The following MYCBP2 variants were observed in gnomAD, a reference collection of about 807,000 sequenced individuals.
MYCBP2 encodes MYC binding protein 2.
MYCBP2 carries 120 observed loss-of-function variants against 525.3 expected under a neutral mutation model. That is an observed-to-expected ratio of 0.23 (90% CI 0.20 to 0.27). MYCBP2 has a LOEUF of 0.27. Among genes scored for constraint, MYCBP2 ranks in the 10% least tolerant of loss-of-function variants. The pLI is 1.00. For synonymous variants in MYCBP2, 1,894 were observed against 1,955.8 expected (o/e 0.97, Z 0.83); for missense variants, 4,149 against 5,657.1 (o/e 0.73, Z 8.55).
At chr13:77,112,289 TTA>T (rs536986337) in intron 55 of MYCBP2, among the ~76,000 whole-genome samples, 1 of 146,816 alleles carries the variant, frequency 6.8e-6, no homozygotes, top group African/African-American at 2.5e-5. Flanking sequence ...CTTCTTTATA[TTA>T]TATATATATA....
intron 4 of MYCBP2, among the ~76,000 whole-genome samples, chr13:77,276,813 C>A (rs1278272668): frequency 7.9e-6 from 1 of 126,778 alleles, no homozygotes; most frequent in Non-Finnish European, 1.5e-5. Flanking sequence ...ATTTCCATGC[C>A]CAGTTTTTTT....
At chr13:77,227,991 T>C (rs1302531510) in intron 18 of MYCBP2, among the ~76,000 whole-genome samples, 1 of 151,972 alleles carries the variant, frequency 6.6e-6, no homozygotes, top group African/African-American at 2.4e-5. Flanking sequence ...ATCTTACAAG[T>C]AAAAAAATTG....
At chr13:77,311,770 C>T (rs2080263597) in intron 1 of MYCBP2, among the ~76,000 whole-genome samples, 3 of 151,596 alleles carry the variant, frequency 2.0e-5, no homozygotes, top group Admixed American at 1.3e-4. Context: ...CAGTTAGAGG[C>T]CTGTGAAACA....
Position 77,261,989 on chromosome 13 carries a change from CA to C in MYCBP2, c.1647+63del. On this transcript the variant is annotated intron_variant, in intron 11 of 82. Transcript: ENST00000544440. ...CATGCAAACTATATAAACTAATCAACAGATTGTATTTTAATCTCTTAAATCA... is the reference window on the plus strand; with the variant it reads ...CATGCAAACTATATAAACTAATCAACGATTGTATTTTAATCTCTTAAATCA... 1.3e-5 allele frequency: 16 copies of C among 1,274,104 alleles called. No homozygotes were observed. The South Asian group carries it at 2.1e-4, about 17-fold the overall frequency. The allele number at this position is 1,274,104 out of a possible 1,614,324, so 78.9% of individuals were successfully genotyped here. A position where few individuals can be genotyped will look rare whatever the true frequency, so the allele number is the denominator to read the frequency against.
chr13:77,203,133 T>C lies in MYCBP2; in HGVS notation c.3843+2123A>G, dbSNP rs558165033. Reference sequence around the variant, plus strand: ...CCTGTTTGCAGACGACATGATTGTATATCTAGAAAACCCCATCATCTCAGC... The same window carrying C: ...CCTGTTTGCAGACGACATGATTGTACATCTAGAAAACCCCATCATCTCAGC... On this transcript the variant is annotated intron_variant, in intron 26 of 82. Transcript: ENST00000544440. Among the ~76,000 whole-genome samples the C allele has an allele frequency of 1.2e-4, 19 of 152,274 alleles. 1 individual carries two copies. In the South Asian group the frequency reaches 3.9e-3, roughly 32 times the overall value.
intron 21 of MYCBP2, 48 bp from the exon 22 acceptor site, chr13:77,212,208 C>T (rs761173900): frequency 1.3e-6 from 2 of 1,529,624 alleles, no homozygotes; most frequent in East Asian, 2.3e-5. Context: ...TGTAAACAAT[C>T]TAATTTTCAT....
chr13:77,303,636 T>G (rs935916328), intron 1 of MYCBP2, among the ~76,000 whole-genome samples: 1 of 151,930 alleles, frequency 6.6e-6, no homozygotes, highest in African/African-American at 2.4e-5. Context: ...GTCAAAGAAC[T>G]AGTCACAATG....
intron 3 of MYCBP2, among the ~76,000 whole-genome samples, chr13:77,283,540 T>C (rs922590125): frequency 9.9e-5 from 15 of 152,192 alleles, no homozygotes; most frequent in South Asian, 4.1e-4. Flanking sequence ...AATCTTTTAA[T>C]AATGTGGCAT....
Position 77,144,495 on chromosome 13 carries a change from C to A in MYCBP2, c.7253G>T (p.Gly2418Val), listed in dbSNP as rs1232892181. 1 of 1,613,736 alleles carries A rather than the reference C, an allele frequency of 6.2e-7. No homozygotes were observed. The highest frequency in any genetic ancestry group is 8.5e-7 in the Non-Finnish European group (1 of 1,179,836). Reference sequence around the variant, plus strand: ...ATGAAGAGTGTAGAGTCCAATAGCCCCTGGAGTCCAATTTGCACAATAAGT... The same window carrying A: ...ATGAAGAGTGTAGAGTCCAATAGCCACTGGAGTCCAATTTGCACAATAAGT... The part of the protein sequence containing the change: ...DGTYCANWTP[G>V]AIGLYTLHVT... The change falls in exon 49 of 83, where the codon GGG becomes GTG. Residue 2418 changes from glycine (G) to valine (V), a missense_variant. Gly to Val is a moderately radical substitution (Grantham distance 109). Coordinates refer to ENST00000544440, the MANE Select transcript of MYCBP2 (RefSeq NM_015057.5).
Position 77,061,645 on chromosome 13 carries a change from G to C in MYCBP2, c.12903+17C>G. 1 of 1,607,118 alleles carries C rather than the reference G, an allele frequency of 6.2e-7. No individual in the cohort carries two copies. ...TTCACTGAACATATTTTATGCTCCA[G>C]AGACAAAAATCTTCACCTGTCTTTG... On this transcript the variant is annotated intron_variant, in intron 75 of 82. Coordinates refer to ENST00000544440, the MANE Select transcript of MYCBP2 (RefSeq NM_015057.5).
chr13:77,218,018 ATAAG>A lies in MYCBP2; in HGVS notation c.2940-65_2940-62del. The A allele has an allele frequency of 7.8e-6, 9 of 1,151,054 alleles. 1 individual carries two copies. The highest frequency in any genetic ancestry group is 2.1e-5 in the Admixed American group (1 of 47,150). The allele number at this position is 1,151,054 out of a possible 1,614,324, so 71.3% of individuals were successfully genotyped here. ...ACAAAACTCAACTAAAATAAAAACA[ATAAG>A]TAAGCAATGCAACAAGGAGTAGGAA... is the stretch of plus-strand genomic sequence containing the variant. On this transcript the variant is annotated intron_variant, in intron 20 of 82. Transcript: ENST00000544440.
Position 77,243,966 on chromosome 13 carries a change from A to G in MYCBP2, c.2382-15T>C. Reference sequence around the variant, plus strand: ...AACCACAGATCCTAGGGGGAAATACAAAAAAAAAAAAAAAAGACAACTGAG... The same window carrying G: ...AACCACAGATCCTAGGGGGAAATACGAAAAAAAAAAAAAAAGACAACTGAG... On this transcript the variant is annotated splice_polypyrimidine_tract_variant and intron_variant, in intron 15 of 82. Coordinates refer to ENST00000544440, the MANE Select transcript of MYCBP2 (RefSeq NM_015057.5). 2.6e-6 allele frequency: 1 copy of G among 385,862 alleles called. No homozygotes were observed. The highest frequency in any genetic ancestry group is 3.6e-6 in the Non-Finnish European group (1 of 277,372). 23.9% of individuals were successfully genotyped at this position (385,862 alleles called of 1,614,324 possible). A position where few individuals can be genotyped will look rare whatever the true frequency, so the allele number is the denominator to read the frequency against.
At chr13:77,121,905 G>GA (rs1186508852) in intron 54 of MYCBP2, among the ~76,000 whole-genome samples, 1 of 151,770 alleles carries the variant, frequency 6.6e-6, no homozygotes, top group Non-Finnish European at 1.5e-5. Context: ...TTAGAATAGA[G>GA]AAAAAAACTA....
rs1430587535 is a variant in MYCBP2 at position 77,098,560 on chromosome 13, G to A, written c.8594C>T (p.Pro2865Leu). The change falls in exon 56 of 83, where the codon CCT (proline) becomes CTT (leucine). Residue 2865 changes from proline to leucine, a missense_variant. Coordinates refer to ENST00000544440, the MANE Select transcript of MYCBP2 (RefSeq NM_015057.5). ...AGAGTCTGATTTAGAACGTTCCCGA[G>A]GAGGATCAAGCTTTGTCTTAACAGG... ...TAPVKTKLDP[P>L]RERSKSDSYT... The A allele has an allele frequency of 1.9e-6, 3 of 1,613,648 alleles. No individual in the cohort carries two copies. The highest frequency in any genetic ancestry group is 2.7e-5 in the African/African-American group (2 of 74,878).
intron 1 of MYCBP2, among the ~76,000 whole-genome samples, chr13:77,312,989 A>G (rs1196054408): frequency 6.6e-6 from 1 of 152,058 alleles, no homozygotes; most frequent in African/African-American, 2.4e-5. Flanking sequence ...GTATAATACA[A>G]TCACCAAGAC....
At chr13:77,084,829 T>C (rs1281458090) in intron 62 of MYCBP2, among the ~76,000 whole-genome samples, 2 of 151,996 alleles carry the variant, frequency 1.3e-5, no homozygotes, top group Non-Finnish European at 2.9e-5. Context: ...TATGCAAAAA[T>C]TTTAGACTCC....
intron 46 of MYCBP2, 52 bp from the exon 47 acceptor site, chr13:77,151,001 A>G: frequency 6.9e-7 from 1 of 1,447,062 alleles, no homozygotes; most frequent in Non-Finnish European, 9.7e-7. Flanking sequence ...ATTGTCACTG[A>G]CATCAAAATA....
At chr13:77,128,466 A>T (rs2052099570) in intron 52 of MYCBP2, among the ~76,000 whole-genome samples, 1 of 151,938 alleles carries the variant, frequency 6.6e-6, no homozygotes, top group Non-Finnish European at 1.5e-5. Flanking sequence ...TCAGGGTAAC[A>T]CTGGGAGTTA....
chr13:77,202,941 C>A (rs2062810980), intron 26 of MYCBP2, among the ~76,000 whole-genome samples: 1 of 152,076 alleles, frequency 6.6e-6, no homozygotes, highest in Non-Finnish European at 1.5e-5. Flanking sequence ...CAGTATCATA[C>A]TGAATGGGCA....
Sources: gnomAD v4.1 joint callset for allele counts (sites outside exome capture counted in the v4.1 genomes callset) on GRCh38, gnomAD v4.1.1 for gene constraint, MANE v1.5 for transcripts, NCBI Gene and HGNC (gene_info 2026-07-23, HGNC 2026-07-21) for gene names.